The following NAA11 variants were observed in gnomAD, a reference collection of about 807,000 sequenced individuals.
The protein encoded by NAA11 is N-alpha-acetyltransferase 11.
In NAA11, 15 loss-of-function variants were observed where a neutral mutation model predicts 16.1. The observed-to-expected ratio is 0.93, with a 90% CI of 0.62 to 1.44. The LOEUF (loss-of-function observed/expected upper bound fraction) is 1.44, where lower values mean the gene tolerates loss of function less well. Ranked by LOEUF, NAA11 falls within the 40% of genes most tolerant of loss-of-function variation. NAA11 has a pLI of 0.00. For missense variants in NAA11, 298 were observed against 291.3 expected (o/e 1.02, Z -0.17); for synonymous variants, 122 against 112.4 (o/e 1.09, Z -0.54).
At chr4:79,157,614 T>G in the NAA11 span, among the ~76,000 whole-genome samples, 1,151 of 151,958 alleles carry the variant, frequency 7.6e-3, 17 homozygotes, top group African/African-American at 0.026. Context: ...CACATATATA[T>G]ACACATATGT....
intron 2 of NAA11, among the ~76,000 whole-genome samples, chr4:79,244,105 T>C (rs963406827): frequency 2.0e-5 from 3 of 152,192 alleles, no homozygotes; most frequent in South Asian, 2.1e-4. Flanking sequence ...CTCCCTGGGG[T>C]CAGCCTTTAA....
chr4:79,325,618 G>A lies in NAA11; in HGVS notation c.260C>T (p.Ala87Val). Residue 87 changes from alanine (A) to valine (V), a missense_variant, in exon 1 of 2, where the codon GCC (alanine) becomes GTC (valine). Transcript: ENST00000286794. ...VKRSHRRLGL[A>V]QKLMDQASRA... ...GGAGGCCTGGTCCATCAGCTTCTGG[G>A]CCAGGCCGAGGCGCCGGTGTGAACG... 1.9e-6 allele frequency: 3 copies of A among 1,614,058 alleles called. No homozygotes were observed. The highest frequency in any genetic ancestry group is 2.5e-6 in the Non-Finnish European group (3 of 1,179,948).
At chr4:79,156,973 G>A in the NAA11 span, among the ~76,000 whole-genome samples, 1,154 of 152,288 alleles carry the variant, frequency 7.6e-3, 17 homozygotes, top group African/African-American at 0.026. Context: ...CAGGACTCAC[G>A]ACATTTCAGA....
chr4:79,231,371 G>A lies in NAA11; in HGVS notation c.*123-5101C>T, dbSNP rs1721460494. Among the ~76,000 whole-genome samples, 4 of 151,832 alleles carry A rather than the reference G, an allele frequency of 2.6e-5. No individual in the cohort carries two copies. The South Asian group carries it at 8.3e-4, about 31-fold the overall frequency. On this transcript the variant is annotated intron_variant and NMD_transcript_variant, in intron 2 of 2. Coordinates refer to the NAA11 transcript ENST00000511542. ...TTAATTTCTTTACAATACTAAAAAGGATATTTCAGAGAAAGTTGTCCTCCC... is the reference window on the plus strand; with the variant it reads ...TTAATTTCTTTACAATACTAAAAAGAATATTTCAGAGAAAGTTGTCCTCCC...
chr4:79,312,543 C>CG (rs1306372254), downstream of NAA11, among the ~76,000 whole-genome samples: 1 of 145,886 alleles, frequency 6.9e-6, no homozygotes, highest in Non-Finnish European at 1.5e-5. Flanking sequence ...CTCAGCTACT[C>CG]GGGAGGCTGA....
chr4:79,325,284 A>G lies in NAA11; in HGVS notation c.594T>C (p.Ala198=), dbSNP rs1311246921. 3.1e-6 allele frequency: 5 copies of G among 1,613,748 alleles called. No individual in the cohort carries two copies. In the East Asian group the frequency reaches 1.1e-4, roughly 36 times the overall value. The change falls in exon 1 of 2, where the codon GCT becomes GCC. Residue 198 remains alanine, a synonymous_variant. Transcript: ENST00000286794. ...SEEACQQKNP[A]TEESGSDSKE... is the part of the protein sequence containing the mutation. ...TGCTGTCACTGCCACTTTCTTCGGT[A>G]GCCGGGTTCTTTTGCTGACAGGCCT...
the NAA11 span, among the ~76,000 whole-genome samples, chr4:79,189,144 T>TAAAAAAAAAAAAAA: frequency 3.6e-4 from 1 of 2,748 alleles, no homozygotes; most frequent in Non-Finnish European, 1.5e-3. Flanking sequence ...AGACTCCATC[T>TAAAAAAAAAAAAAA]CAAAAAAAAA....
At chr4:79,158,700 T>TAC in the NAA11 span, among the ~76,000 whole-genome samples, 1 of 124,984 alleles carries the variant, frequency 8.0e-6, no homozygotes, top group Non-Finnish European at 1.6e-5. Flanking sequence ...CATTACCTGA[T>TAC]ATATATATAT....
At chr4:79,250,955 A>C (rs1457902416) in intron 2 of NAA11, among the ~76,000 whole-genome samples, 1 of 152,256 alleles carries the variant, frequency 6.6e-6, no homozygotes, top group Non-Finnish European at 1.5e-5. Context: ...CTATAATTAA[A>C]AAGTCAAAAA....
intron 1 of NAA11, among the ~76,000 whole-genome samples, chr4:79,294,748 T>G (rs994337492): frequency 6.6e-6 from 1 of 152,194 alleles, no homozygotes; most frequent in African/African-American, 2.4e-5. Flanking sequence ...AGCATTTCTA[T>G]GTATCTGAAA....
At chr4:79,182,073 G>T in the NAA11 span, among the ~76,000 whole-genome samples, 1 of 152,132 alleles carries the variant, frequency 6.6e-6, no homozygotes, top group Non-Finnish European at 1.5e-5. Flanking sequence ...CACTTATTCA[G>T]AGTCACAAGT....
At chr4:79,164,789 CT>C in the NAA11 span, among the ~76,000 whole-genome samples, 6 of 152,288 alleles carry the variant, frequency 3.9e-5, no homozygotes, top group East Asian at 1.2e-3. Flanking sequence ...ATGTATCTAC[CT>C]TTAAGGGAAA....
At chr4:79,258,077 C>A (rs1226404658) in intron 2 of NAA11, among the ~76,000 whole-genome samples, 1 of 152,244 alleles carries the variant, frequency 6.6e-6, no homozygotes, top group Non-Finnish European at 1.5e-5. Context: ...TGCCACAGAG[C>A]CAGTGGGAGC....
intron 2 of NAA11, among the ~76,000 whole-genome samples, chr4:79,232,347 A>T (rs1359122345): frequency 6.6e-6 from 1 of 151,884 alleles, no homozygotes; most frequent in Non-Finnish European, 1.5e-5. Flanking sequence ...TCCCTTTTCC[A>T]CAACTCTCCC....
intron 2 of NAA11, among the ~76,000 whole-genome samples, chr4:79,229,773 T>C (rs1721413446): frequency 6.6e-6 from 1 of 151,986 alleles, no homozygotes; most frequent in African/African-American, 2.4e-5. Context: ...TGTCACAAGA[T>C]AGAAGTGGGG....
the NAA11 span, among the ~76,000 whole-genome samples, chr4:79,202,945 A>G: frequency 6.6e-6 from 1 of 151,418 alleles, no homozygotes; most frequent in Admixed American, 6.6e-5. Flanking sequence ...TGTTGAAAAC[A>G]TTGCATGTGT....
chr4:79,241,595 G>T (rs1009566580), intron 2 of NAA11, among the ~76,000 whole-genome samples: 1 of 152,048 alleles, frequency 6.6e-6, no homozygotes, highest in Non-Finnish European at 1.5e-5. Flanking sequence ...TATACTAGTC[G>T]GTGGAGATTA....
At chr4:79,194,302 A>G in the NAA11 span, among the ~76,000 whole-genome samples, 5 of 152,152 alleles carry the variant, frequency 3.3e-5, no homozygotes, top group African/African-American at 1.2e-4. Context: ...TTGCATGAGC[A>G]TGGGATGTTT....
Position 79,284,637 on chromosome 4 carries a change from G to A in NAA11, c.*122+9368C>T, listed in dbSNP as rs1350990634. Among the ~76,000 whole-genome samples the A allele has an allele frequency of 4.4e-5, 4 of 90,112 alleles. 1 individual carries two copies. Among genetic ancestry groups the A allele is most frequent in the Non-Finnish European group, 2.1e-5 (1 of 46,784 alleles). The allele number at this position is 90,112 out of a possible 152,430, so 59.1% of individuals were successfully genotyped here. On this transcript the variant is annotated intron_variant and NMD_transcript_variant, in intron 2 of 2. Coordinates refer to the NAA11 transcript ENST00000511542. ...TGTAATCCCAGCACTTTGGGAGGCC[G>A]AGGCGGGTGGATCATGAGGTCAGGA... is the stretch of plus-strand genomic sequence containing the variant.
Sources: gnomAD v4.1 joint callset for allele counts (sites outside exome capture counted in the v4.1 genomes callset) on GRCh38, gnomAD v4.1.1 for gene constraint, MANE v1.5 for transcripts, NCBI Gene and HGNC (gene_info 2026-07-23, HGNC 2026-07-21) for gene names.